SNTG1: variants seen among roughly 807,000 people sequenced by gnomAD.
The protein encoded by SNTG1 is syntrophin gamma 1.
Under a neutral mutation model 74.7 loss-of-function variants are expected in SNTG1, and 39 were observed. The ratio of observed to expected loss-of-function variants is 0.52; its 90% CI spans 0.40 to 0.68. The LOEUF (loss-of-function observed/expected upper bound fraction) is 0.68, where lower values mean the gene tolerates loss of function less well. Ranked by LOEUF, SNTG1 falls within the 30% of genes least tolerant of loss-of-function variation. The pLI, the probability that SNTG1 is intolerant of heterozygous loss-of-function variation, is 0.00. For missense variants in SNTG1, 685 were observed against 609.5 expected (o/e 1.12, Z -1.30); for synonymous variants, 254 against 217.1 (o/e 1.17, Z -1.49).
intron 12 of SNTG1, among the ~76,000 whole-genome samples, chr8:50,587,257 T>C (rs2094656414): frequency 6.6e-6 from 1 of 151,362 alleles, no homozygotes; most frequent in East Asian, 1.9e-4. Flanking sequence ...TATATATGTG[T>C]ATATGTAATT....
At chr8:50,433,639 A>G (rs947091281) in intron 4 of SNTG1, among the ~76,000 whole-genome samples, 1 of 152,206 alleles carries the variant, frequency 6.6e-6, no homozygotes. Flanking sequence ...GTTAATTAGA[A>G]AAACAATTTC....
intron 8 of SNTG1, among the ~76,000 whole-genome samples, chr8:50,460,791 C>A (rs1441812164): frequency 6.6e-6 from 1 of 151,956 alleles, no homozygotes; most frequent in Non-Finnish European, 1.5e-5. Flanking sequence ...GGTTAAATGG[C>A]TGTGGGCATA....
intron 9 of SNTG1, among the ~76,000 whole-genome samples, chr8:50,509,271 T>C (rs1233484415): frequency 6.6e-6 from 1 of 152,184 alleles, no homozygotes; most frequent in Non-Finnish European, 1.5e-5. Flanking sequence ...TTCTGTTCCA[T>C]TGGTCTCTAT....
At chr8:50,205,748 G>A (rs1478873646) in intron 2 of SNTG1, among the ~76,000 whole-genome samples, 1 of 152,202 alleles carries the variant, frequency 6.6e-6, no homozygotes, top group East Asian at 1.9e-4. Context: ...TTTTGTGTAA[G>A]ATGTAAGGAA....
chr8:50,643,600 G>A (rs1386060243), intron 13 of SNTG1, among the ~76,000 whole-genome samples: 1 of 152,192 alleles, frequency 6.6e-6, no homozygotes, highest in Non-Finnish European at 1.5e-5. Flanking sequence ...GGTATGTTTA[G>A]TTCATTTTAT....
chr8:50,603,416 G>C (rs1449274886), intron 13 of SNTG1, among the ~76,000 whole-genome samples: 1 of 152,040 alleles, frequency 6.6e-6, no homozygotes, highest in African/African-American at 2.4e-5. Context: ...TTCCTTCTCT[G>C]TGTTGTCTTA....
intron 13 of SNTG1, among the ~76,000 whole-genome samples, chr8:50,614,412 A>G (rs890827061): frequency 5.9e-5 from 9 of 152,100 alleles, no homozygotes; most frequent in Non-Finnish European, 8.8e-5. Flanking sequence ...AGGAATCAAG[A>G]GATCATTTTA....
chr8:50,005,663 T>C (rs934221231), intron 1 of SNTG1, among the ~76,000 whole-genome samples: 4 of 152,182 alleles, frequency 2.6e-5, no homozygotes, highest in African/African-American at 4.8e-5. Context: ...GATTTACATA[T>C]ACAGATCCTT....
rs553803263 is a variant in SNTG1, at chr8:50,707,588, T to A, written c.1192-1298T>A. On this transcript the variant is annotated intron_variant, in intron 16 of 18. Coordinates refer to ENST00000642720, the MANE Select transcript of SNTG1 (RefSeq NM_018967.5). ...TCGATGTATTTAGTCATGATTACAT[T>A]CAGAATGGGATTCAATTAATGTAGT... Among the ~76,000 whole-genome samples the A allele has an allele frequency of 2.0e-5, 3 of 152,342 alleles. No homozygotes were observed. In the East Asian group the frequency reaches 5.8e-4, roughly 29 times the overall value.
chr8:50,656,577 A>G (rs895905552), intron 13 of SNTG1, among the ~76,000 whole-genome samples: 3 of 152,190 alleles, frequency 2.0e-5, no homozygotes, highest in Admixed American at 2.0e-4. Flanking sequence ...AGTGCGATGC[A>G]TCAATGAATT....
At chr8:50,657,051 G>C in intron 14 of SNTG1, 26 bp downstream of exon 14, 2 of 1,364,978 alleles carry the variant, frequency 1.5e-6, no homozygotes, top group South Asian at 3.1e-5. Flanking sequence ...AAATGTATTG[G>C]TCGTTTCCAT....
chr8:50,231,265 C>G (rs2085608736), intron 2 of SNTG1, among the ~76,000 whole-genome samples: 1 of 151,168 alleles, frequency 6.6e-6, no homozygotes, highest in East Asian at 1.9e-4. Context: ...AAAAGGGAAC[C>G]CTCATACACT....
chr8:50,403,223 A>G (rs1361755658), intron 4 of SNTG1, among the ~76,000 whole-genome samples: 1 of 152,162 alleles, frequency 6.6e-6, no homozygotes, highest in Non-Finnish European at 1.5e-5. Context: ...TTATTAACAG[A>G]CTTACCTTGG....
chr8:50,330,152 G>A (rs1314107488), intron 2 of SNTG1, among the ~76,000 whole-genome samples: 1 of 152,106 alleles, frequency 6.6e-6, no homozygotes, highest in Non-Finnish European at 1.5e-5. Context: ...CATGGGGGTG[G>A]TTACCCTCAT....
At chr8:50,133,436 A>C (rs1586415931) in intron 1 of SNTG1, among the ~76,000 whole-genome samples, 1 of 152,152 alleles carries the variant, frequency 6.6e-6, no homozygotes, top group African/African-American at 2.4e-5. Flanking sequence ...ATTTTTAGCT[A>C]TCTGTATGTC....
intron 1 of SNTG1, among the ~76,000 whole-genome samples, chr8:49,967,463 T>C (rs937661311): frequency 1.3e-5 from 2 of 152,226 alleles, no homozygotes; most frequent in Non-Finnish European, 2.9e-5. Context: ...CATTTGCTCA[T>C]TGCACATACG....
At chr8:50,004,194 A>G (rs1050295995) in intron 1 of SNTG1, among the ~76,000 whole-genome samples, 4 of 152,168 alleles carry the variant, frequency 2.6e-5, no homozygotes, top group Admixed American at 2.0e-4. Context: ...ACTACCTCAC[A>G]TAGTTGTAAT....
intron 5 of SNTG1, among the ~76,000 whole-genome samples, chr8:50,443,002 T>C (rs57370023): frequency 0.079 from 12,058 of 152,234 alleles, 525 homozygotes; most frequent in Middle Eastern, 0.17. Context: ...CAAGTGCCCA[T>C]CCTCTGGGCT....
chr8:49,947,413 T>G (rs1453599852), intron 1 of SNTG1, among the ~76,000 whole-genome samples: 1 of 152,248 alleles, frequency 6.6e-6, no homozygotes, highest in Admixed American at 6.5e-5. Flanking sequence ...AGAGCTGTCC[T>G]GGTGAATACA....
Sources: allele counts gnomAD v4.1 joint callset (sites outside exome capture counted in the v4.1 genomes callset), GRCh38; gene constraint gnomAD v4.1.1; transcripts MANE v1.5; gene names NCBI Gene and HGNC (gene_info 2026-07-23, HGNC 2026-07-21).